Variants in PRKCA observed in about 807,000 individuals in gnomAD.
The protein encoded by PRKCA is protein kinase C alpha type.
Under a neutral mutation model 87.0 loss-of-function variants are expected in PRKCA, and 27 were observed. The observed-to-expected ratio is 0.31, with a 90% CI of 0.23 to 0.43. The LOEUF is 0.43. Ranked by LOEUF, PRKCA falls within the 20% of genes least tolerant of loss-of-function variation. The pLI, the probability that PRKCA is intolerant of heterozygous loss-of-function variation, is 1.00. For synonymous variants in PRKCA, 329 were observed against 311.1 expected (o/e 1.06, Z -0.61); for missense variants, 518 against 852.3 (o/e 0.61, Z 4.88).
At chr17:66,758,158 T>C (rs904458468) in intron 13 of PRKCA, among the ~76,000 whole-genome samples, 2 of 152,224 alleles carry the variant, frequency 1.3e-5, no homozygotes, top group Non-Finnish European at 2.9e-5. Context: ...AGCCCCACTG[T>C]GTTCTTCAAC....
chr17:66,500,659 A>G (rs1036759988), intron 3 of PRKCA, among the ~76,000 whole-genome samples: 4 of 152,226 alleles, frequency 2.6e-5, no homozygotes, highest in Non-Finnish European at 5.9e-5. Flanking sequence ...GAAGAGAAAC[A>G]AGATGTTGGT....
rs372229773 is a variant in PRKCA, at chr17:66,532,917, G to A, written c.288+36634G>A. 1.1e-3 allele frequency among the ~76,000 whole-genome samples: 174 copies of A among 152,262 alleles called. 1 individual carries two copies. The highest frequency in any genetic ancestry group is 3.7e-3 in the African/African-American group (155 of 41,546). ...AATTAGTTTGCACACACAGCATCCCGGGGAGTGGAACAGTGCTTTCTTAGC... is the reference window on the plus strand; with the variant it reads ...AATTAGTTTGCACACACAGCATCCCAGGGAGTGGAACAGTGCTTTCTTAGC... On this transcript the variant is annotated intron_variant, in intron 3 of 16. Coordinates refer to ENST00000413366, the MANE Select transcript of PRKCA (RefSeq NM_002737.3).
intron 8 of PRKCA, among the ~76,000 whole-genome samples, chr17:66,691,607 C>T (rs933302628): frequency 1.9e-4 from 29 of 152,200 alleles, no homozygotes; most frequent in Middle Eastern, 3.4e-3. Context: ...TGTCACACCA[C>T]CTCTGTGACG....
intron 5 of PRKCA, among the ~76,000 whole-genome samples, chr17:66,673,470 C>G (rs888180195): frequency 6.6e-6 from 1 of 152,140 alleles, no homozygotes; most frequent in East Asian, 1.9e-4. Flanking sequence ...AGCTGTGAGG[C>G]GATGTCTGAT....
intron 14 of PRKCA, among the ~76,000 whole-genome samples, chr17:66,781,262 A>C (rs1276031920): frequency 6.6e-6 from 1 of 152,128 alleles, no homozygotes; most frequent in Non-Finnish European, 1.5e-5. Flanking sequence ...AGGGAGCAAC[A>C]TATGACCAGC....
intron 2 of PRKCA, among the ~76,000 whole-genome samples, chr17:66,495,731 G>C (rs1041775759): frequency 2.6e-5 from 4 of 151,616 alleles, no homozygotes; most frequent in Non-Finnish European, 5.9e-5. Flanking sequence ...TTGTGTATGT[G>C]TGTGTGTGTG....
At chr17:66,426,583 T>A (rs975262874) in intron 2 of PRKCA, among the ~76,000 whole-genome samples, 1 of 152,152 alleles carries the variant, frequency 6.6e-6, no homozygotes, top group African/African-American at 2.4e-5. Context: ...ACCAGTACTA[T>A]CTACACCAGA....
intron 2 of PRKCA, among the ~76,000 whole-genome samples, chr17:66,309,011 T>G (rs1334930912): frequency 2.0e-5 from 3 of 152,230 alleles, no homozygotes; most frequent in African/African-American, 7.2e-5. Context: ...AACTGCTTTT[T>G]GTATTCCTCA....
At chr17:66,358,162 T>C (rs1378179665) in intron 2 of PRKCA, among the ~76,000 whole-genome samples, 1 of 152,132 alleles carries the variant, frequency 6.6e-6, no homozygotes, top group Admixed American at 6.5e-5. Flanking sequence ...GCACAATTTT[T>C]TTTTTTTAAG....
At chr17:66,439,696 G>C (rs1006452775) in intron 2 of PRKCA, among the ~76,000 whole-genome samples, 12 of 152,172 alleles carry the variant, frequency 7.9e-5, no homozygotes, top group African/African-American at 2.7e-4. Flanking sequence ...GGTGCCTGGG[G>C]TCTCTGCTTA....
At chr17:66,777,136 A>C (rs956820650) in intron 14 of PRKCA, 6 of 819,952 alleles carry the variant, frequency 7.3e-6, no homozygotes, top group Non-Finnish European at 8.8e-6. Flanking sequence ...GTCGCCTGAC[A>C]TTCCTGGTGG....
At chr17:66,417,074 T>A (rs890330032) in intron 2 of PRKCA, among the ~76,000 whole-genome samples, 5 of 152,030 alleles carry the variant, frequency 3.3e-5, no homozygotes, top group Non-Finnish European at 7.4e-5. Flanking sequence ...AATTTTTGTA[T>A]TTTTGGTAGA....
At chr17:66,654,308 G>T (rs1345203715) in intron 5 of PRKCA, among the ~76,000 whole-genome samples, 1 of 152,226 alleles carries the variant, frequency 6.6e-6, no homozygotes, top group African/African-American at 2.4e-5. Flanking sequence ...CTTAGATCCT[G>T]TGAGAAGAGA....
At chr17:66,308,336 G>T (rs532014467) in intron 2 of PRKCA, among the ~76,000 whole-genome samples, 18 of 151,960 alleles carry the variant, frequency 1.2e-4, no homozygotes, top group Non-Finnish European at 2.6e-4. Context: ...TACCAATCTG[G>T]TAGGTGAAAA....
At chr17:66,307,462 TG>T (rs1471092990) in intron 2 of PRKCA, among the ~76,000 whole-genome samples, 1 of 152,190 alleles carries the variant, frequency 6.6e-6, no homozygotes, top group East Asian at 1.9e-4. Context: ...CTGTTATTTT[TG>T]GTGATATTTT....
chr17:66,553,469 C>T (rs1166557594), intron 3 of PRKCA, among the ~76,000 whole-genome samples: 1 of 152,164 alleles, frequency 6.6e-6, no homozygotes, highest in African/African-American at 2.4e-5. Context: ...AATACTCCTC[C>T]CTGCCAGAGG....
At chr17:66,541,851 G>C (rs1438287355) in intron 3 of PRKCA, among the ~76,000 whole-genome samples, 1 of 152,208 alleles carries the variant, frequency 6.6e-6, no homozygotes, top group Non-Finnish European at 1.5e-5. Context: ...TTCTATCAGT[G>C]CATGCCTCTC....
intron 5 of PRKCA, among the ~76,000 whole-genome samples, chr17:66,683,558 A>G (rs188813665): frequency 8.7e-4 from 132 of 151,368 alleles, no homozygotes; most frequent in African/African-American, 3.1e-3. Context: ...ATGTCTGCCC[A>G]CCTATCCTGG....
chr17:66,307,878 C>T (rs1904904735), intron 2 of PRKCA, among the ~76,000 whole-genome samples: 1 of 152,146 alleles, frequency 6.6e-6, no homozygotes, highest in South Asian at 2.1e-4. Flanking sequence ...CCAGAGATAA[C>T]TTCTGTTTGA....
Sources: gnomAD v4.1 joint callset for allele counts (sites outside exome capture counted in the v4.1 genomes callset) on GRCh38, gnomAD v4.1.1 for gene constraint, MANE v1.5 for transcripts, NCBI Gene and HGNC (gene_info 2026-07-23, HGNC 2026-07-21) for gene names.